EML4: variants seen among roughly 807,000 people sequenced by gnomAD.
EML4 encodes EMAP like 4, also known as echinoderm microtubule-associated protein-like 4.
A neutral mutation model predicts 129.0 loss-of-function variants in EML4; 72 were observed. The ratio of observed to expected loss-of-function variants is 0.56; its 90% confidence interval spans 0.46 to 0.68. EML4 has a LOEUF of 0.68. EML4 is among the 30% of genes least tolerant of loss of function. The pLI, the probability that EML4 is intolerant of heterozygous loss-of-function variation, is 0.00. For missense variants in EML4, 1,363 were observed against 1,190.6 expected (o/e 1.14, Z -2.13); for synonymous variants, 532 against 405.0 (o/e 1.31, Z -3.77).
At chr2:42,216,910 T>C (rs1424070339) in intron 1 of EML4, among the ~76,000 whole-genome samples, 2 of 152,332 alleles carry the variant, frequency 1.3e-5, no homozygotes, top group East Asian at 1.9e-4. Flanking sequence ...AGTGATGAAA[T>C]GGCAGAGAAA....
intron 1 of EML4, chr2:42,170,129 A>G: frequency 6.5e-6 from 1 of 153,676 alleles, no homozygotes; most frequent in East Asian, 1.9e-4. Flanking sequence ...CCTCTTCAGG[A>G]AGGGGGCATC....
intron 6 of EML4, among the ~76,000 whole-genome samples, chr2:42,274,260 A>T (rs1329122025): frequency 6.6e-6 from 1 of 152,186 alleles, no homozygotes; most frequent in South Asian, 2.1e-4. Flanking sequence ...AGTTCTAAAG[A>T]TTGTAAAATA....
Position 42,169,582 on chromosome 2 carries a change from A to AGCCCGG in EML4, c.-30_-29insGCCCGG. 9 of 1,595,126 alleles carry AGCCCGG rather than the reference A, an allele frequency of 5.6e-6. No individual in the cohort carries two copies. Among genetic ancestry groups the AGCCCGG allele is most frequent in the Non-Finnish European group, 7.7e-6 (9 of 1,173,212 alleles). On this transcript the variant is annotated 5_prime_UTR_variant, in exon 1 of 23. It removes the in-frame stop codon of an upstream open reading frame in the 5' UTR. Coordinates refer to ENST00000318522, the MANE Select transcript of EML4 (RefSeq NM_019063.5). Reference sequence around the variant, plus strand: ...CGCTGAATGAAGTGCCCGCCCCTCTAAGCCCGGAGCCCGGCGCTTTCCCCG... The same window carrying AGCCCGG: ...CGCTGAATGAAGTGCCCGCCCCTCTAGCCCGGAGCCCGGAGCCCGGCGCTTTCCCCG...
Position 42,301,317 on chromosome 2 carries a change from G to A in EML4, c.1566G>A (p.Met522Ile), listed in dbSNP as rs774119290. Residue 522 changes from methionine to isoleucine, a missense_variant, in exon 14 of 23, where the codon ATG becomes ATA. Physicochemically the swap from Met to Ile is conservative, Grantham distance 10. Transcript: ENST00000318522. ...VFTLCQMRNG[M>I]LLTGGGKDRK... ...CACTTTGTCAGATGAGAAATGGGAT[G>A]TTATTAACTGGAGGAGGGAAAGACA... The A allele has an allele frequency of 6.2e-7, 1 of 1,613,332 alleles. No individual in the cohort carries two copies. The highest frequency in any genetic ancestry group is 2.2e-5 in the East Asian group (1 of 44,756).
intron 2 of EML4, among the ~76,000 whole-genome samples, chr2:42,255,878 C>CTT (rs1446274238): frequency 6.6e-6 from 1 of 152,186 alleles, no homozygotes; most frequent in Non-Finnish European, 1.5e-5. Context: ...CGTGAGAAAA[C>CTT]TGAGTCCAAA....
In EML4 at chr2:42,295,403, T is replaced by C. The variant is rs938094032; in HGVS notation, c.1376T>C (p.Val459Ala). ...IFGKYEKPKFVQCLAFLGNGD... is the reference protein window; with the variant it reads ...IFGKYEKPKFAQCLAFLGNGD... ...TAGAAATATGAAAAGCCAAAATTTG[T>C]GCAGTGTTTAGCATTCTTGGGGAAT... Residue 459 changes from valine to alanine, a missense_variant, in exon 13 of 23, where the codon GTG becomes GCG. Val to Ala is a moderately conservative substitution (Grantham distance 64, BLOSUM62 0). Coordinates refer to ENST00000318522, the MANE Select transcript of EML4 (RefSeq NM_019063.5). 1 of 1,612,866 alleles carries C rather than the reference T, an allele frequency of 6.2e-7. No homozygotes were observed. Among genetic ancestry groups the C allele is most frequent in the African/African-American group, 1.3e-5 (1 of 74,998 alleles).
At chr2:42,230,807 C>G (rs999377118) in intron 1 of EML4, among the ~76,000 whole-genome samples, 3 of 152,212 alleles carry the variant, frequency 2.0e-5, no homozygotes, top group African/African-American at 7.2e-5. Context: ...CTCTCATCTT[C>G]TTCCCTTCAT....
intron 1 of EML4, among the ~76,000 whole-genome samples, chr2:42,185,057 T>A (rs1424746691): frequency 6.6e-6 from 1 of 152,216 alleles, no homozygotes; most frequent in Non-Finnish European, 1.5e-5. Context: ...TGTGACATAT[T>A]GGCAAAATCA....
intron 1 of EML4, among the ~76,000 whole-genome samples, chr2:42,208,539 A>G (rs1233347869): frequency 6.6e-6 from 1 of 150,648 alleles, no homozygotes; most frequent in Non-Finnish European, 1.5e-5. Flanking sequence ...AGTTCAAGCT[A>G]TTCTCCTGCC....
rs773722138 is a variant in EML4 at position 42,330,235 on chromosome 2, C to T, written c.*28C>T. The T allele has an allele frequency of 2.5e-6, 4 of 1,587,632 alleles. No homozygotes were observed. In the African/African-American group the frequency reaches 5.4e-5, roughly 21 times the overall value. Reference sequence around the variant, plus strand: ...CCCTGGCTTCAGTGCAACTCTTTTCCTTCAGCTGCATGTGATTTTGTGATA... The same window carrying T: ...CCCTGGCTTCAGTGCAACTCTTTTCTTTCAGCTGCATGTGATTTTGTGATA... On this transcript the variant is annotated 3_prime_UTR_variant, in exon 23 of 23. Transcript: ENST00000318522.
intron 1 of EML4, among the ~76,000 whole-genome samples, chr2:42,223,157 T>C (rs954485531): frequency 6.6e-6 from 1 of 152,166 alleles, no homozygotes; most frequent in East Asian, 1.9e-4. Context: ...ATAACATATT[T>C]CATTCACTTG....
chr2:42,258,516 G>A (rs575131054), intron 3 of EML4, among the ~76,000 whole-genome samples: 1 of 152,014 alleles, frequency 6.6e-6, no homozygotes, highest in African/African-American at 2.4e-5. Flanking sequence ...TTCTCCTGCT[G>A]CAGCACCCGG....
intron 22 of EML4, 81 bp from the exon 23 acceptor site, chr2:42,329,653 C>T (rs1254809915): frequency 8.4e-7 from 1 of 1,192,216 alleles, no homozygotes; most frequent in Non-Finnish European, 1.2e-6. Context: ...GTTTACCCCC[C>T]TTACGTATCA....
At chr2:42,194,407 A>T (rs1427075094) in intron 1 of EML4, among the ~76,000 whole-genome samples, 3 of 149,904 alleles carry the variant, frequency 2.0e-5, no homozygotes, top group Non-Finnish European at 3.0e-5. Context: ...ATGGAAACAA[A>T]TTTTTTGTCA....
At chr2:42,260,667 T>TGGG (rs1292179143) in intron 3 of EML4, among the ~76,000 whole-genome samples, 1 of 152,176 alleles carries the variant, frequency 6.6e-6, no homozygotes, top group African/African-American at 2.4e-5. Context: ...TCTTGGTAAG[T>TGGG]TTAAAACTCA....
chr2:42,248,717 C>A (rs987248694), intron 2 of EML4, among the ~76,000 whole-genome samples: 1 of 151,942 alleles, frequency 6.6e-6, no homozygotes, highest in African/African-American at 2.4e-5. Context: ...TTAAATTATA[C>A]TTCATAATTA....
intron 17 of EML4, among the ~76,000 whole-genome samples, chr2:42,305,080 C>G (rs531784319): frequency 6.6e-6 from 1 of 151,972 alleles, no homozygotes; most frequent in Non-Finnish European, 1.5e-5. Flanking sequence ...TGTGCCACTG[C>G]GCTCCAGCAT....
intron 1 of EML4, among the ~76,000 whole-genome samples, chr2:42,202,230 A>T (rs902446464): frequency 6.6e-6 from 1 of 152,152 alleles, no homozygotes; most frequent in Non-Finnish European, 1.5e-5. Flanking sequence ...GCACAGTATG[A>T]TGTCTGTAGT....
intron 2 of EML4, among the ~76,000 whole-genome samples, chr2:42,254,174 G>T (rs184409919): frequency 1.4e-3 from 217 of 152,338 alleles, no homozygotes; most frequent in African/African-American, 5.1e-3. Flanking sequence ...GTAATTGGTG[G>T]TCGGGCACAG....
Sources: allele counts gnomAD v4.1 joint callset (sites outside exome capture counted in the v4.1 genomes callset), GRCh38; gene constraint gnomAD v4.1.1; transcripts MANE v1.5; gene names NCBI Gene and HGNC (gene_info 2026-07-23, HGNC 2026-07-21).